Variants in CNTNAP2 observed in about 807,000 individuals in gnomAD.
The protein encoded by CNTNAP2 is contactin-associated protein-like 2.
In CNTNAP2, 98 loss-of-function variants were observed where a neutral mutation model predicts 155.2. That is an observed-to-expected ratio of 0.63 (90% CI 0.54 to 0.75). The LOEUF is 0.75. Among genes scored for constraint, CNTNAP2 ranks in the 30% least tolerant of loss-of-function variants. The pLI is 0.00. For missense variants in CNTNAP2, 1,727 were observed against 1,688.1 expected (o/e 1.02, Z -0.40); for synonymous variants, 651 against 631.2 (o/e 1.03, Z -0.47).
chr7:147,243,543 G>A (rs1584815092), intron 8 of CNTNAP2, among the ~76,000 whole-genome samples: 1 of 152,044 alleles, frequency 6.6e-6, no homozygotes, highest in Non-Finnish European at 1.5e-5. Flanking sequence ...GAAAAGTAAA[G>A]GTAAATAGTG....
intron 1 of CNTNAP2, among the ~76,000 whole-genome samples, chr7:146,685,903 G>C (rs1242551677): frequency 6.6e-6 from 1 of 152,110 alleles, no homozygotes; most frequent in Admixed American, 6.5e-5. Context: ...ACAGTTATGT[G>C]TTCAATGGTA....
intron 1 of CNTNAP2, among the ~76,000 whole-genome samples, chr7:146,324,394 T>G (rs1801061254): frequency 6.6e-6 from 1 of 152,180 alleles, no homozygotes; most frequent in South Asian, 2.1e-4. Flanking sequence ...ACCATGAAGG[T>G]ACATAAATAG....
At chr7:148,095,067 C>T (rs1476655199) in intron 15 of CNTNAP2, among the ~76,000 whole-genome samples, 1 of 152,108 alleles carries the variant, frequency 6.6e-6, no homozygotes, top group East Asian at 1.9e-4. Flanking sequence ...GTTAAATGAG[C>T]TTGAGTCAAC....
At chr7:147,839,266 A>G (rs1459409711) in intron 13 of CNTNAP2, among the ~76,000 whole-genome samples, 1 of 152,166 alleles carries the variant, frequency 6.6e-6, no homozygotes, top group Admixed American at 6.5e-5. Flanking sequence ...CAGCACCCTC[A>G]CAGACATACC....
At chr7:147,249,079 G>T (rs1804129000) in intron 8 of CNTNAP2, among the ~76,000 whole-genome samples, 2 of 152,122 alleles carry the variant, frequency 1.3e-5, no homozygotes, top group African/African-American at 4.8e-5. Flanking sequence ...AACCTAATTA[G>T]TTGAAAATAC....
At chr7:147,442,814 C>T (rs1797665322) in intron 10 of CNTNAP2, among the ~76,000 whole-genome samples, 1 of 152,074 alleles carries the variant, frequency 6.6e-6, no homozygotes, top group African/African-American at 2.4e-5. Flanking sequence ...CAGGTAGGGC[C>T]TGGAAAGGGG....
intron 1 of CNTNAP2, among the ~76,000 whole-genome samples, chr7:146,761,793 C>G (rs148130091): frequency 1.5e-4 from 22 of 151,230 alleles, no homozygotes; most frequent in African/African-American, 3.7e-4. Context: ...TTATTTTTCT[C>G]TAGAAGACAA....
intron 10 of CNTNAP2, among the ~76,000 whole-genome samples, chr7:147,402,177 T>C (rs1290999357): frequency 6.6e-6 from 1 of 152,200 alleles, no homozygotes; most frequent in East Asian, 1.9e-4. Context: ...CAGTCAAAGG[T>C]AAACTTCCTT....
intron 3 of CNTNAP2, among the ~76,000 whole-genome samples, chr7:146,908,389 A>C (rs1350241495): frequency 1.8e-4 from 27 of 148,408 alleles, no homozygotes; most frequent in African/African-American, 6.7e-4. Flanking sequence ...AAAATTGACC[A>C]CATACTTGGA....
intron 21 of CNTNAP2, among the ~76,000 whole-genome samples, chr7:148,331,584 G>T (rs1798014540): frequency 3.3e-5 from 5 of 152,138 alleles, no homozygotes; most frequent in Non-Finnish European, 5.9e-5. Flanking sequence ...GGATGGAATG[G>T]ATGGATGGAA....
chr7:146,202,318 A>G (rs552370471), intron 1 of CNTNAP2, among the ~76,000 whole-genome samples: 1 of 152,274 alleles, frequency 6.6e-6, no homozygotes, highest in Non-Finnish European at 1.5e-5. Context: ...TTTTTAACTG[A>G]TGGCTAAATG....
intron 1 of CNTNAP2, among the ~76,000 whole-genome samples, chr7:146,334,048 A>C (rs1563042951): frequency 6.6e-6 from 1 of 152,220 alleles, no homozygotes; most frequent in Non-Finnish European, 1.5e-5. Flanking sequence ...ATAGCAGAAG[A>C]AGCCCATTCT....
chr7:147,817,376 T>C (rs988158004), intron 13 of CNTNAP2, among the ~76,000 whole-genome samples: 4 of 152,230 alleles, frequency 2.6e-5, no homozygotes, highest in Non-Finnish European at 5.9e-5. Flanking sequence ...AATATCACTG[T>C]TATCTTGTGA....
chr7:147,986,043 C>G (rs924591228), intron 15 of CNTNAP2, among the ~76,000 whole-genome samples: 2 of 152,092 alleles, frequency 1.3e-5, no homozygotes, highest in Non-Finnish European at 2.9e-5. Flanking sequence ...TTAAAGTTTT[C>G]ATTACACTGT....
intron 1 of CNTNAP2, among the ~76,000 whole-genome samples, chr7:146,723,051 C>T (rs1369911916): frequency 6.6e-6 from 1 of 152,020 alleles, no homozygotes; most frequent in Non-Finnish European, 1.5e-5. Flanking sequence ...TGTTGAAGTC[C>T]TAAACCCTAC....
intron 1 of CNTNAP2, among the ~76,000 whole-genome samples, chr7:146,751,647 T>C (rs573393877): frequency 6.6e-6 from 1 of 152,310 alleles, no homozygotes; most frequent in African/African-American, 2.4e-5. Flanking sequence ...CTGGGATACA[T>C]GTGCAGAATG....
At chr7:147,386,871 G>A (rs1796634115) in intron 9 of CNTNAP2, among the ~76,000 whole-genome samples, 1 of 152,170 alleles carries the variant, frequency 6.6e-6, no homozygotes, top group South Asian at 2.1e-4. Context: ...ACATACTCGA[G>A]ACTGGGCAAT....
chr7:147,542,817 T>A (rs1369135838), intron 11 of CNTNAP2, among the ~76,000 whole-genome samples: 1 of 152,234 alleles, frequency 6.6e-6, no homozygotes, highest in African/African-American at 2.4e-5. Flanking sequence ...AGTGTAGGAA[T>A]AATTTTCAAG....
chr7:147,933,133 G>T (rs1023323437), intron 14 of CNTNAP2, among the ~76,000 whole-genome samples: 3 of 151,828 alleles, frequency 2.0e-5, no homozygotes, highest in Non-Finnish European at 4.4e-5. Context: ...AGGCTGGATG[G>T]CTATTGTTTT....
Sources: allele counts gnomAD v4.1 joint callset (sites outside exome capture counted in the v4.1 genomes callset), GRCh38; gene constraint gnomAD v4.1.1; transcripts MANE v1.5; gene names NCBI Gene and HGNC (gene_info 2026-07-23, HGNC 2026-07-21).